The following CDH2 variants were observed in gnomAD, a reference collection of about 807,000 sequenced individuals.
CDH2 encodes cadherin-2.
A neutral mutation model predicts 92.0 loss-of-function variants in CDH2; 17 were observed. The ratio of observed to expected loss-of-function variants is 0.18; its 90% CI spans 0.13 to 0.28. CDH2 has a LOEUF of 0.28. Among genes scored for constraint, CDH2 ranks in the 10% least tolerant of loss-of-function variants. CDH2 has a pLI of 1.00. For synonymous variants in CDH2, 419 were observed against 415.9 expected, an observed-to-expected ratio of 1.01 and a Z score of -0.09; for missense variants, 862 against 1,133.1, an observed-to-expected ratio of 0.76 and a Z score of 3.44.
chr18:27,998,939 C>T (rs2143996809), intron 7 of CDH2, among the ~76,000 whole-genome samples: 1 of 152,214 alleles, frequency 6.6e-6, no homozygotes, highest in Non-Finnish European at 1.5e-5. Flanking sequence ...TTAAACATTT[C>T]TTTACAATTC....
At chr18:27,964,068 G>GTTAC (rs1598992584) in intron 14 of CDH2, among the ~76,000 whole-genome samples, 1 of 152,190 alleles carries the variant, frequency 6.6e-6, no homozygotes, top group East Asian at 1.9e-4. Context: ...TTTTTAAAAA[G>GTTAC]TTACTTAAAA....
intron 2 of CDH2, among the ~76,000 whole-genome samples, chr18:28,052,721 G>A (rs1186664847): frequency 6.6e-6 from 1 of 152,162 alleles, no homozygotes; most frequent in African/African-American, 2.4e-5. Flanking sequence ...ATTCTCAGGT[G>A]TGCCTACCTG....
At chr18:27,970,759 T>G (rs2011635969) in intron 14 of CDH2, among the ~76,000 whole-genome samples, 1 of 152,208 alleles carries the variant, frequency 6.6e-6, no homozygotes, top group Non-Finnish European at 1.5e-5. Context: ...AGGGTCTAGA[T>G]AGTAAATATT....
At chr18:28,168,067 C>T (rs768791425) in intron 1 of CDH2, among the ~76,000 whole-genome samples, 2 of 152,064 alleles carry the variant, frequency 1.3e-5, no homozygotes, top group Non-Finnish European at 2.9e-5. Context: ...TAAGCGGGAG[C>T]GGGGGGATTA....
chr18:27,999,203 A>G (rs2012683259), intron 7 of CDH2, among the ~76,000 whole-genome samples: 1 of 152,180 alleles, frequency 6.6e-6, no homozygotes, highest in African/African-American at 2.4e-5. Context: ...GTGTGGTTCA[A>G]TGAGTGGTTG....
chr18:27,985,295 A>G, intron 12 of CDH2, 62 bp from the exon 13 acceptor site: 1 of 959,350 alleles, frequency 1.0e-6, no homozygotes, highest in South Asian at 1.5e-5. Flanking sequence ...AAAAACACAT[A>G]GCATTGTTCA....
intron 1 of CDH2, chr18:28,159,044 A>G (rs898909594): frequency 3.3e-5 from 5 of 152,234 alleles, no homozygotes; most frequent in African/African-American, 9.6e-5. Context: ...TACAATAGAA[A>G]AGCTCACTGA....
chr18:28,071,121 G>A (rs137933360), intron 2 of CDH2, among the ~76,000 whole-genome samples: 129 of 152,022 alleles, frequency 8.5e-4, no homozygotes, highest in African/African-American at 3.0e-3. Flanking sequence ...TTGGGGCAGG[G>A]TCTTAGCTTT....
intron 1 of CDH2, among the ~76,000 whole-genome samples, chr18:28,169,023 A>G (rs1043784597): frequency 2.0e-5 from 3 of 152,118 alleles, no homozygotes; most frequent in Non-Finnish European, 1.5e-5. Flanking sequence ...CCATCTCTAA[A>G]ATGAGAGCAA....
In CDH2 at chr18:28,128,674, C is replaced by A. The variant is rs529666698; in HGVS notation, c.172+18999G>T. ...GCACTCCAGCCTGGGAAACAGGGCA[C>A]GACCCCGTCTCAAAAAAAAAAAAAA... On this transcript the variant is annotated intron_variant, in intron 2 of 15. Coordinates refer to ENST00000269141, the MANE Select transcript of CDH2 (RefSeq NM_001792.5). 1.1e-4 allele frequency among the ~76,000 whole-genome samples: 17 copies of A among 150,304 alleles called. No individual in the cohort carries two copies. In the South Asian group the frequency reaches 2.7e-3, roughly 24 times the overall value.
At chr18:28,152,654 A>G (rs967771988) in intron 1 of CDH2, among the ~76,000 whole-genome samples, 4 of 152,204 alleles carry the variant, frequency 2.6e-5, no homozygotes, top group African/African-American at 9.6e-5. Context: ...AGAGTTAGAC[A>G]GGGTTAGATC....
intron 2 of CDH2, among the ~76,000 whole-genome samples, chr18:28,134,286 A>G (rs2144301410): frequency 6.6e-6 from 1 of 152,278 alleles, no homozygotes; most frequent in Non-Finnish European, 1.5e-5. Context: ...ATATTTCTTA[A>G]ATAGAAGACA....
chr18:27,968,610 G>T (rs1031839346), intron 14 of CDH2, among the ~76,000 whole-genome samples: 1 of 152,152 alleles, frequency 6.6e-6, no homozygotes, highest in African/African-American at 2.4e-5. Flanking sequence ...TAAAGTTCAC[G>T]GGCCTTTATC....
chr18:28,061,656 T>C (rs1189514036), intron 2 of CDH2, among the ~76,000 whole-genome samples: 2 of 152,136 alleles, frequency 1.3e-5, no homozygotes, highest in Non-Finnish European at 2.9e-5. Flanking sequence ...CATGAGTCTG[T>C]TCTCACACTG....
intron 2 of CDH2, among the ~76,000 whole-genome samples, chr18:28,040,162 AAACAAG>A (rs2013921395): frequency 2.6e-5 from 4 of 152,202 alleles, no homozygotes; most frequent in Non-Finnish European, 5.9e-5. Flanking sequence ...GAGCGAATCC[AAACAAG>A]TGTGTGGCAT....
intron 2 of CDH2, among the ~76,000 whole-genome samples, chr18:28,024,583 T>C (rs1378320651): frequency 6.6e-6 from 1 of 151,342 alleles, no homozygotes; most frequent in Non-Finnish European, 1.5e-5. Flanking sequence ...ATTTAGTAAT[T>C]AAAAGTTAAA....
downstream of CDH2, among the ~76,000 whole-genome samples, chr18:27,945,971 TAAAC>T (rs760845813): frequency 2.0e-5 from 3 of 152,138 alleles, no homozygotes; most frequent in African/African-American, 4.8e-5. Context: ...CATATTTGGC[TAAAC>T]AAACAAAAAA....
At chr18:28,070,682 C>T (rs755798851) in intron 2 of CDH2, among the ~76,000 whole-genome samples, 1 of 152,210 alleles carries the variant, frequency 6.6e-6, no homozygotes, top group Non-Finnish European at 1.5e-5. Flanking sequence ...AGTATGCCCA[C>T]TCCCAGCCCT....
chr18:28,073,036 TG>T (rs2014650280), intron 2 of CDH2, among the ~76,000 whole-genome samples: 2 of 152,270 alleles, frequency 1.3e-5, no homozygotes, highest in South Asian at 4.1e-4. Flanking sequence ...ACATAGACGG[TG>T]GCACAGAATT....
Sources: allele counts gnomAD v4.1 joint callset (sites outside exome capture counted in the v4.1 genomes callset), GRCh38; gene constraint gnomAD v4.1.1; transcripts MANE v1.5; gene names NCBI Gene and HGNC (gene_info 2026-07-23, HGNC 2026-07-21).